The following AGAP1 variants were observed in gnomAD, a reference collection of about 807,000 sequenced individuals.
The protein encoded by AGAP1 is ArfGAP with GTPase domain, ankyrin repeat and PH domain 1.
In AGAP1, 29 loss-of-function variants were observed where a neutral mutation model predicts 105.3. That is an observed-to-expected ratio of 0.28 (90% CI 0.21 to 0.38). AGAP1 has a LOEUF of 0.38. Among genes scored for constraint, AGAP1 ranks in the 10% least tolerant of loss-of-function variants. The pLI is 1.00. For synonymous variants in AGAP1, 509 were observed against 485.9 expected (o/e 1.05, Z -0.63); for missense variants, 998 against 1,165.1 (o/e 0.86, Z 2.09).
chr2:235,858,276 G>C (rs2048768963), intron 9 of AGAP1, among the ~76,000 whole-genome samples: 1 of 152,178 alleles, frequency 6.6e-6, no homozygotes, highest in Non-Finnish European at 1.5e-5. Flanking sequence ...GGTAGCGTTA[G>C]TTAAAAAATG....
intron 1 of AGAP1, among the ~76,000 whole-genome samples, chr2:235,529,522 G>A (rs1942973128): frequency 6.6e-6 from 1 of 152,076 alleles, no homozygotes; most frequent in African/African-American, 2.4e-5. Flanking sequence ...GTGGGACAGG[G>A]GACAGCTGTG....
chr2:236,012,892 G>A lies in AGAP1; in HGVS notation c.1646-23669G>A, dbSNP rs1217046833. 6.6e-6 allele frequency among the ~76,000 whole-genome samples: 1 copy of A among 152,028 alleles called. No homozygotes were observed. The highest frequency in any genetic ancestry group is 2.4e-5 in the African/African-American group (1 of 41,384). On this transcript the variant is annotated intron_variant, in intron 13 of 17. Coordinates refer to ENST00000304032, the MANE Select transcript of AGAP1 (RefSeq NM_001037131.3). This position sits in a 1 kb window ranked among gnomAD's most constrained non-coding sequence, Gnocchi z 4.9. ...CTCCAGAGTAGCTGGGATTATAGGC[G>A]TGCCCCACCATGCACAGCTAATTTT...
At chr2:235,671,815 G>A (rs1180418243) in intron 1 of AGAP1, among the ~76,000 whole-genome samples, 1 of 152,204 alleles carries the variant, frequency 6.6e-6, no homozygotes, top group African/African-American at 2.4e-5. Flanking sequence ...TTTGCATGGA[G>A]GGATCTCCAG....
At position 235,558,264 on chromosome 2, in the gene AGAP1, C is replaced by G. The variant is rs77035055; in HGVS notation, c.163+63415C>G. Among the ~76,000 whole-genome samples, 351 of 152,246 alleles carry G rather than the reference C, an allele frequency of 2.3e-3. 1 individual carries two copies. Among genetic ancestry groups the G allele is most frequent in the African/African-American group, 8.0e-3 (334 of 41,542 alleles). On this transcript the variant is annotated intron_variant, in intron 1 of 17. Transcript: ENST00000304032. ...AGGCTCTCCTCCTTGAGTACTGTCA[C>G]CTCTTCCTTTTCTATTCTGTCACCT...
chr2:235,674,163 A>G (rs1225240062), intron 1 of AGAP1, among the ~76,000 whole-genome samples: 2 of 152,118 alleles, frequency 1.3e-5, no homozygotes, highest in Non-Finnish European at 2.9e-5. Flanking sequence ...TCTTCCCTCT[A>G]ATGCAGAACA....
rs1165045315 is a variant in AGAP1 at position 235,958,849 on chromosome 2, C to T, written c.1484-9613C>T. ...CCTCTAGTCATGCTTGTCAGCTCTC[C>T]GAGTGAAAAGTGAAACTGCTTCTTT... is the stretch of plus-strand genomic sequence containing the variant. On this transcript the variant is annotated intron_variant, in intron 12 of 17. Coordinates refer to ENST00000304032, the MANE Select transcript of AGAP1 (RefSeq NM_001037131.3). This position sits in a 1 kb window ranked among gnomAD's most constrained non-coding sequence, Gnocchi z 4.1. Among the ~76,000 whole-genome samples, 2 of 152,204 alleles carry T rather than the reference C, an allele frequency of 1.3e-5. No homozygotes were observed. The highest frequency in any genetic ancestry group is 2.4e-5 in the African/African-American group (1 of 41,444).
chr2:235,867,335 A>G lies in AGAP1; in HGVS notation c.1051-16010A>G, dbSNP rs2049220699. Among the ~76,000 whole-genome samples the G allele has an allele frequency of 6.6e-6, 1 of 152,146 alleles. No homozygotes were observed. Among genetic ancestry groups the G allele is most frequent in the Non-Finnish European group, 1.5e-5 (1 of 68,028 alleles). On this transcript the variant is annotated intron_variant, in intron 9 of 17. Coordinates refer to ENST00000304032, the MANE Select transcript of AGAP1 (RefSeq NM_001037131.3). The surrounding 1 kb of genome is among the most constrained non-coding windows in gnomAD (Gnocchi z 5.4). ...GCAAATGCAGCCATTCCAACCAATG[A>G]ACTTGACTGTGTTCCGATAAAACTT...
rs10700794 is a variant in AGAP1, at chr2:235,686,556, T to TACACACACAC, written c.164-22600_164-22591dup. Among the ~76,000 whole-genome samples the TACACACACAC allele has an allele frequency of 3.2e-3, 321 of 101,856 alleles. 3 individuals carry two copies. Among genetic ancestry groups the TACACACACAC allele is most frequent in the African/African-American group, 0.012 (282 of 24,486 alleles). 66.8% of individuals were successfully genotyped at this position (101,856 alleles called of 152,430 possible). A position where few individuals can be genotyped will look rare whatever the true frequency, so the allele number is the denominator to read the frequency against. Reference sequence around the variant, plus strand: ...GGTTCCCAGGAAGGAGATATATATATACACACACACACACACACACACACA... The same window carrying TACACACACAC: ...GGTTCCCAGGAAGGAGATATATATATACACACACACACACACACACACACACACACACACA... On this transcript the variant is annotated intron_variant, in intron 1 of 17. Transcript: ENST00000304032.
In AGAP1 at chr2:235,976,892, G is replaced by T. The variant is rs35761602; in HGVS notation, c.1645+8269G>T. On this transcript the variant is annotated intron_variant, in intron 13 of 17. Coordinates refer to ENST00000304032, the MANE Select transcript of AGAP1 (RefSeq NM_001037131.3). This position sits in a 1 kb window ranked among gnomAD's most constrained non-coding sequence, Gnocchi z 4.5. ...GTCAAAACAAACTAAATCTTGTAAA[G>T]AGGTGGCTTGGAGCTCCTGGGGGTA... Among the ~76,000 whole-genome samples, 68,210 of 152,036 alleles carry T rather than the reference G, an allele frequency of 0.45. 17,137 individuals carry two copies. Among genetic ancestry groups the T allele is most frequent in the South Asian group, 0.68 (3,254 of 4,814 alleles).
chr2:235,974,528 C>T (rs917290298), intron 13 of AGAP1, among the ~76,000 whole-genome samples: 5 of 152,206 alleles, frequency 3.3e-5, no homozygotes, highest in Admixed American at 2.0e-4. Context: ...TTTATTTTAT[C>T]CTTCTCATCT....
intron 9 of AGAP1, among the ~76,000 whole-genome samples, chr2:235,869,240 G>A (rs542128808): frequency 1.3e-5 from 2 of 151,866 alleles, no homozygotes; most frequent in South Asian, 2.1e-4. Flanking sequence ...CCTTACTGCC[G>A]TTTGGGTTAT....
chr2:235,809,670 T>TTGTATCGATCTATCTCACATCCC (rs1958027168), intron 9 of AGAP1, among the ~76,000 whole-genome samples: 1 of 152,154 alleles, frequency 6.6e-6, no homozygotes, highest in Non-Finnish European at 1.5e-5. Flanking sequence ...TTGCAGACGG[T>TTGTATCGATCTATCTCACATCCC]TGTATCGATC....
chr2:235,892,392 G>C (rs934776280), intron 10 of AGAP1, among the ~76,000 whole-genome samples: 3 of 152,096 alleles, frequency 2.0e-5, no homozygotes, highest in African/African-American at 7.2e-5. Context: ...TGTCGTCAAA[G>C]TTTGGTTTTG....
rs36086999 is a variant in AGAP1, at chr2:235,627,192, G to GTTT, written c.164-81965_164-81963dup. Among the ~76,000 whole-genome samples the GTTT allele has an allele frequency of 8.2e-3, 787 of 95,522 alleles. 22 individuals carry two copies. Among genetic ancestry groups the GTTT allele is most frequent in the African/African-American group, 0.022 (486 of 22,220 alleles). 62.7% of individuals were successfully genotyped at this position (95,522 alleles called of 152,430 possible). A position where few individuals can be genotyped will look rare whatever the true frequency, so the allele number is the denominator to read the frequency against. Reference sequence around the variant, plus strand: ...TGTGCTGGCCCCAGGCTGTTTTGAGGTTTTTTTTTTTTTTTTTTTTTTTTG... The same window carrying GTTT: ...TGTGCTGGCCCCAGGCTGTTTTGAGGTTTTTTTTTTTTTTTTTTTTTTTTTTTG... On this transcript the variant is annotated intron_variant, in intron 1 of 17. Transcript: ENST00000304032.
In AGAP1 at chr2:235,976,697, G is replaced by A. The variant is rs1263031643; in HGVS notation, c.1645+8074G>A. Reference sequence around the variant, plus strand: ...CCATCAGGACACACATAGACCAGTGGAGAAAGCAGAAACACGCCGGGGAAC... The same window carrying A: ...CCATCAGGACACACATAGACCAGTGAAGAAAGCAGAAACACGCCGGGGAAC... On this transcript the variant is annotated intron_variant, in intron 13 of 17. Coordinates refer to ENST00000304032, the MANE Select transcript of AGAP1 (RefSeq NM_001037131.3). The surrounding 1 kb of genome is among the most constrained non-coding windows in gnomAD (Gnocchi z 4.5). Among the ~76,000 whole-genome samples the A allele has an allele frequency of 6.6e-6, 1 of 152,164 alleles. No homozygotes were observed. The highest frequency in any genetic ancestry group is 1.5e-5 in the Non-Finnish European group (1 of 68,040).
intron 1 of AGAP1, among the ~76,000 whole-genome samples, chr2:235,616,845 C>CT (rs1046051907): frequency 6.6e-6 from 1 of 152,162 alleles, no homozygotes; most frequent in Non-Finnish European, 1.5e-5. Flanking sequence ...AGGAAACGTA[C>CT]TTTTTTGTTG....
At chr2:235,502,397 G>A (rs1941599314) in intron 1 of AGAP1, among the ~76,000 whole-genome samples, 1 of 152,168 alleles carries the variant, frequency 6.6e-6, no homozygotes, top group Non-Finnish European at 1.5e-5. Context: ...GGGGACCAGG[G>A]CCCGAGAGGG....
In AGAP1 at chr2:236,128,085, C is replaced by CA. The variant is rs1016582495; in HGVS notation, c.*3963_*3964insA. The CA allele has an allele frequency of 6.6e-6, 1 of 151,670 alleles. No homozygotes were observed. The highest frequency in any genetic ancestry group is 1.9e-4 in the East Asian group (1 of 5,146). The allele number at this position is 151,670 out of a possible 1,614,324, so 9.4% of individuals were successfully genotyped here. A position where few individuals can be genotyped will look rare whatever the true frequency, so the allele number is the denominator to read the frequency against. On this transcript the variant is annotated 3_prime_UTR_variant, in exon 18 of 18. Coordinates refer to ENST00000304032, the MANE Select transcript of AGAP1 (RefSeq NM_001037131.3). The surrounding 1 kb of genome is among the most constrained non-coding windows in gnomAD (Gnocchi z 5.9). Reference sequence around the variant, plus strand: ...TGGGCACGTTTGCCAACCCCCCCCCCCCAGTAGAGCCCAGGACCCTCCTCT... The same window carrying CA: ...TGGGCACGTTTGCCAACCCCCCCCCCACCAGTAGAGCCCAGGACCCTCCTCT...
Position 236,040,747 on chromosome 2 carries a change from C to T in AGAP1, c.1801-4C>T. 1.2e-6 allele frequency: 2 copies of T among 1,612,982 alleles called. No individual in the cohort carries two copies. The highest frequency in any genetic ancestry group is 1.7e-6 in the Non-Finnish European group (2 of 1,180,022). On this transcript the variant is annotated splice_polypyrimidine_tract_variant and splice_region_variant and intron_variant, in intron 14 of 17. Coordinates refer to ENST00000304032, the MANE Select transcript of AGAP1 (RefSeq NM_001037131.3). This position sits in a 1 kb window ranked among gnomAD's most constrained non-coding sequence, Gnocchi z 5.6. Reference sequence around the variant, plus strand: ...CTTGTATTTGTGTCTTCCTCCGTGCCCAGTCCCGGCTGACGAGCCAGAGCG... The same window carrying T: ...CTTGTATTTGTGTCTTCCTCCGTGCTCAGTCCCGGCTGACGAGCCAGAGCG...
Sources: gnomAD v4.1 joint callset for allele counts (sites outside exome capture counted in the v4.1 genomes callset) on GRCh38, gnomAD v4.1.1 for gene constraint, Gnocchi (gnomAD v3.1) non-coding constraint, MANE v1.5 for transcripts, NCBI Gene and HGNC (gene_info 2026-07-23, HGNC 2026-07-21) for gene names.